The following TRHDE variants were observed in gnomAD, a reference collection of about 807,000 sequenced individuals.
TRHDE encodes the protein thyrotropin releasing hormone degrading enzyme, also known as thyrotropin-releasing hormone-degrading ectoenzyme.
A neutral mutation model predicts 125.7 loss-of-function variants in TRHDE; 72 were observed. The observed-to-expected ratio is 0.57, with a 90% CI of 0.47 to 0.70. The LOEUF is 0.70. Ranked by LOEUF, TRHDE falls within the 30% of genes least tolerant of loss-of-function variation. The pLI is 0.00. For synonymous variants in TRHDE, 509 were observed against 509.1 expected (o/e 1.00, Z 0.00); for missense variants, 1,110 against 1,327.1 (o/e 0.84, Z 2.54).
chr12:72,592,708 C>CTTTTTTTTTTTTTTTTTTTTTTTTTTTT (rs35446767), intron 12 of TRHDE, among the ~76,000 whole-genome samples: 1 of 144,590 alleles, frequency 6.9e-6, no homozygotes, highest in Non-Finnish European at 1.5e-5. Flanking sequence ...TCTTTTCTTT[C>CTTTTTTTTTTTTTTTTTTTTTTTTTTTT]TTTTTTTTTT....
chr12:72,286,655 T>G (rs772460094), intron 1 of TRHDE, 26 bp from the exon 2 acceptor site: 2 of 1,605,184 alleles, frequency 1.2e-6, no homozygotes, highest in Non-Finnish European at 1.7e-6. Flanking sequence ...TAAATGTAAT[T>G]GAGAATGTCA....
intron 2 of TRHDE, among the ~76,000 whole-genome samples, chr12:72,322,278 AT>A (rs750476704): frequency 4.0e-5 from 6 of 151,818 alleles, no homozygotes; most frequent in Non-Finnish European, 7.4e-5. Context: ...AGTGCCACTT[AT>A]TTTCTTGCAT....
At chr12:72,165,388 A>C (rs1013307444) in intron 2 of TRHDE, among the ~76,000 whole-genome samples, 1 of 152,172 alleles carries the variant, frequency 6.6e-6, no homozygotes, top group Non-Finnish European at 1.5e-5. Flanking sequence ...AAATACTCAG[A>C]TCTTTCAGCA....
At chr12:72,352,456 G>C (rs893470138) in intron 2 of TRHDE, among the ~76,000 whole-genome samples, 4 of 151,656 alleles carry the variant, frequency 2.6e-5, no homozygotes, top group African/African-American at 7.3e-5. Context: ...GGTGGTGCCT[G>C]GCTGTGATAC....
upstream of TRHDE, among the ~76,000 whole-genome samples, chr12:72,269,167 T>A (rs529583935): frequency 6.6e-6 from 1 of 152,248 alleles, no homozygotes; most frequent in Admixed American, 6.5e-5. Flanking sequence ...GAAAAAATAA[T>A]ATTTAAAAAT....
intron 15 of TRHDE, among the ~76,000 whole-genome samples, chr12:72,629,809 G>A (rs186061901): frequency 6.6e-6 from 1 of 151,282 alleles, no homozygotes; most frequent in African/African-American, 2.4e-5. Flanking sequence ...TATCAGTAAG[G>A]GGAGTCCTTC....
At chr12:72,370,471 G>A (rs957692625) in intron 2 of TRHDE, among the ~76,000 whole-genome samples, 18 of 152,082 alleles carry the variant, frequency 1.2e-4, no homozygotes, top group African/African-American at 3.9e-4. Flanking sequence ...TGCTTGTGCC[G>A]ACGGTATTAA....
intron 6 of TRHDE, among the ~76,000 whole-genome samples, chr12:72,534,406 T>G (rs1408145983): frequency 1.3e-5 from 2 of 152,136 alleles, no homozygotes; most frequent in Non-Finnish European, 2.9e-5. Flanking sequence ...TGGTCCTCCT[T>G]GAATACCTTT....
intron 10 of TRHDE, among the ~76,000 whole-genome samples, chr12:72,572,794 A>G (rs976771698): frequency 3.3e-5 from 5 of 151,982 alleles, no homozygotes; most frequent in African/African-American, 4.8e-5. Flanking sequence ...TGACTATATC[A>G]TATCTATAAG....
At position 72,273,159 on chromosome 12, in the gene TRHDE, G is replaced by A. The variant is rs763727324; in HGVS notation, c.516G>A (p.Glu172=). The A allele has an allele frequency of 2.5e-6, 4 of 1,581,860 alleles. No homozygotes were observed. Among genetic ancestry groups the A allele is most frequent in the Non-Finnish European group, 2.6e-6 (3 of 1,160,934 alleles). Residue 172 remains glutamate, a synonymous_variant, in exon 1 of 19, where the codon GAG becomes GAA. Transcript: ENST00000261180. The surrounding 1 kb of genome is among the most constrained non-coding windows in gnomAD (Gnocchi z 5.3). ...PGTTSAQPPS[E]EEREPWEPWT... is the part of the protein sequence containing the mutation. Reference sequence around the variant, plus strand: ...CCACGTCGGCCCAGCCGCCGTCGGAGGAGGAGCGGGAGCCGTGGGAGCCGT... The same window carrying A: ...CCACGTCGGCCCAGCCGCCGTCGGAAGAGGAGCGGGAGCCGTGGGAGCCGT...
At chr12:72,575,447 A>G in intron 11 of TRHDE, 40 bp from the exon 12 acceptor site, 1 of 1,613,202 alleles carries the variant, frequency 6.2e-7, no homozygotes, top group Non-Finnish European at 8.5e-7. Flanking sequence ...CTACCATTTT[A>G]ATCCTAAATT....
chr12:72,269,316 T>A (rs1366101694), upstream of TRHDE, among the ~76,000 whole-genome samples: 1 of 152,136 alleles, frequency 6.6e-6, no homozygotes, highest in African/African-American at 2.4e-5. Context: ...GATAGTAAGT[T>A]TTATTATGCA....
At chr12:72,557,254 A>G (rs1869968433) in intron 7 of TRHDE, among the ~76,000 whole-genome samples, 1 of 152,182 alleles carries the variant, frequency 6.6e-6, no homozygotes, top group Non-Finnish European at 1.5e-5. Flanking sequence ...TCCTCTGTAC[A>G]ATGTCACATC....
rs1452652856 is a variant in TRHDE at position 72,473,108 on chromosome 12, G to A, written c.1512G>A (p.Val504=). The A allele has an allele frequency of 6.2e-7, 1 of 1,614,040 alleles. No homozygotes were observed. Among genetic ancestry groups the A allele is most frequent in the Non-Finnish European group, 8.5e-7 (1 of 1,179,928 alleles). The change falls in exon 5 of 19, where the codon GTG becomes GTA. Residue 504 remains valine (V), a synonymous_variant. Transcript: ENST00000261180. ...DLVTPVWWED[V]WLKEGFAHYF... Reference sequence around the variant, plus strand: ...TGACGCCTGTGTGGTGGGAAGACGTGTGGCTGAAGGAAGGGTTTGCTCACT... The same window carrying A: ...TGACGCCTGTGTGGTGGGAAGACGTATGGCTGAAGGAAGGGTTTGCTCACT...
chr12:72,143,063 C>A (rs1422273614), intron 2 of TRHDE, among the ~76,000 whole-genome samples: 1 of 152,200 alleles, frequency 6.6e-6, no homozygotes, highest in Admixed American at 6.5e-5. Flanking sequence ...GATTAACACT[C>A]AAGCTGTCTG....
intron 2 of TRHDE, among the ~76,000 whole-genome samples, chr12:72,363,799 G>T (rs1291011514): frequency 6.6e-6 from 1 of 151,916 alleles, no homozygotes; most frequent in Non-Finnish European, 1.5e-5. Context: ...GGAAATAAAG[G>T]GTATTCAATT....
chr12:72,120,131 A>T (rs1201890898), intron 2 of TRHDE, among the ~76,000 whole-genome samples: 1 of 151,826 alleles, frequency 6.6e-6, no homozygotes, highest in South Asian at 2.1e-4. Context: ...GCTCACTGCA[A>T]TCCCCACCTC....
In TRHDE at chr12:72,123,743, A is replaced by AAT. The variant is rs200218255; in HGVS notation, n.279+18002_279+18003dup. Among the ~76,000 whole-genome samples the AAT allele has an allele frequency of 2.2e-3, 334 of 152,044 alleles. 1 individual carries two copies. The highest frequency in any genetic ancestry group is 7.5e-3 in the African/African-American group (313 of 41,498). Reference sequence around the variant, plus strand: ...GGATAATTTGATGAGTTATGACAGAAATATATATATATCCATGAAACTGCC... The same window carrying AAT: ...GGATAATTTGATGAGTTATGACAGAAATATATATATATATCCATGAAACTGCC... On this transcript the variant is annotated intron_variant and non_coding_transcript_variant, in intron 2 of 4. Transcript: ENST00000548156.
At chr12:72,396,679 G>A (rs1416772432) in intron 3 of TRHDE, among the ~76,000 whole-genome samples, 1 of 152,178 alleles carries the variant, frequency 6.6e-6, no homozygotes, top group African/African-American at 2.4e-5. Context: ...GGGAGGCAGA[G>A]GTTGCAGTGA....
Sources: allele counts gnomAD v4.1 joint callset (sites outside exome capture counted in the v4.1 genomes callset), GRCh38; gene constraint gnomAD v4.1.1; non-coding constraint Gnocchi (gnomAD v3.1); transcripts MANE v1.5; gene names NCBI Gene and HGNC (gene_info 2026-07-23, HGNC 2026-07-21).